The following PCDH15 variants were observed in gnomAD, a reference collection of about 807,000 sequenced individuals.
PCDH15 encodes protocadherin related 15.
In PCDH15, 129 loss-of-function variants were observed where a neutral mutation model predicts 178.5. The ratio of observed to expected loss-of-function variants is 0.72; its 90% CI spans 0.63 to 0.84. The LOEUF is 0.84. PCDH15 is among the 40% of genes least tolerant of loss of function. The pLI, the probability that PCDH15 is intolerant of heterozygous loss-of-function variation, is 0.00. For missense variants in PCDH15, 2,230 were observed against 2,099.9 expected (o/e 1.06, Z -1.21); for synonymous variants, 800 against 732.0 (o/e 1.09, Z -1.50).
In PCDH15 at chr10:54,358,014, C is replaced by T. The variant is rs529742749; in HGVS notation, c.474+11106G>A. 1.3e-3 allele frequency among the ~76,000 whole-genome samples: 198 copies of T among 151,398 alleles called. 1 individual carries two copies. Among genetic ancestry groups the T allele is most frequent in the African/African-American group, 2.6e-3 (105 of 40,844 alleles). ...CTTACACCTTATACAAAAATTAATT[C>T]AAGATGGATTAAAGACTTAAACATT... On this transcript the variant is annotated intron_variant, in intron 5 of 37. Transcript: ENST00000644397.
At chr10:53,858,120 A>G (rs116882369) in intron 27 of PCDH15, among the ~76,000 whole-genome samples, 4,148 of 152,274 alleles carry the variant, frequency 0.027, 72 homozygotes, top group Non-Finnish European at 0.04. Context: ...ACTGATATAA[A>G]AATTCTAAAA....
chr10:53,882,343 G>C (rs983017716), intron 26 of PCDH15, among the ~76,000 whole-genome samples: 1 of 152,152 alleles, frequency 6.6e-6, no homozygotes, highest in East Asian at 1.9e-4. Context: ...CGGGGCCTTT[G>C]CAGCTTCCAC....
chr10:54,247,049 TTAA>T (rs1274309322), intron 8 of PCDH15, among the ~76,000 whole-genome samples: 1 of 151,980 alleles, frequency 6.6e-6, no homozygotes, highest in Non-Finnish European at 1.5e-5. Context: ...ATTTATCAGC[TTAA>T]TGTTTTATAA....
At chr10:55,236,476 C>G (rs1013753923) in intron 1 of PCDH15, among the ~76,000 whole-genome samples, 2 of 152,038 alleles carry the variant, frequency 1.3e-5, no homozygotes, top group African/African-American at 4.8e-5. Context: ...AGGTGAGCAA[C>G]AGGAAGTGTG....
intron 9 of PCDH15, among the ~76,000 whole-genome samples, chr10:54,231,908 T>C (rs1011962147): frequency 2.6e-5 from 4 of 151,924 alleles, no homozygotes; most frequent in African/African-American, 9.7e-5. Flanking sequence ...TTGTAAGTTT[T>C]TTCAGGCTCA....
At chr10:55,527,173 A>G (rs929291176) in intron 2 of PCDH15, among the ~76,000 whole-genome samples, 2 of 152,104 alleles carry the variant, frequency 1.3e-5, no homozygotes, top group African/African-American at 4.8e-5. Flanking sequence ...GTGCATGTGT[A>G]TATTCGTTTC....
intron 2 of PCDH15, among the ~76,000 whole-genome samples, chr10:55,556,583 C>T (rs1842095114): frequency 6.6e-6 from 1 of 152,042 alleles, no homozygotes; most frequent in Admixed American, 6.6e-5. Context: ...GTAATCCCAG[C>T]ATTTTGGGAA....
intron 2 of PCDH15, among the ~76,000 whole-genome samples, chr10:55,157,268 C>T (rs914235651): frequency 2.6e-5 from 4 of 151,540 alleles, no homozygotes; most frequent in Non-Finnish European, 5.9e-5. Flanking sequence ...CCATCTCACA[C>T]CAGTTAGAAT....
At chr10:55,229,041 T>C (rs1057391841) in intron 1 of PCDH15, among the ~76,000 whole-genome samples, 1 of 151,940 alleles carries the variant, frequency 6.6e-6, no homozygotes. Context: ...TCCTCAAGTA[T>C]AGGAGTATCT....
intron 2 of PCDH15, among the ~76,000 whole-genome samples, chr10:55,344,683 T>C (rs1269878034): frequency 1.3e-5 from 2 of 151,964 alleles, no homozygotes; most frequent in African/African-American, 2.4e-5. Flanking sequence ...TCAGATTATG[T>C]TTGAGATATT....
At chr10:54,489,069 G>C (rs1589676294) in intron 3 of PCDH15, among the ~76,000 whole-genome samples, 1 of 151,992 alleles carries the variant, frequency 6.6e-6, no homozygotes, top group East Asian at 1.9e-4. Flanking sequence ...TGGCTCACCA[G>C]AGTTGTTTCC....
chr10:53,964,552 G>T (rs1038247534), intron 21 of PCDH15, among the ~76,000 whole-genome samples: 1 of 138,736 alleles, frequency 7.2e-6, no homozygotes, highest in African/African-American at 2.7e-5. Flanking sequence ...TAAGTGAATG[G>T]ATAACCACAC....
At chr10:54,120,601 G>A (rs1174442246) in intron 15 of PCDH15, among the ~76,000 whole-genome samples, 2 of 152,094 alleles carry the variant, frequency 1.3e-5, no homozygotes, top group East Asian at 3.9e-4. Context: ...GATCTACTAT[G>A]CAAACAGAAA....
intron 3 of PCDH15, among the ~76,000 whole-genome samples, chr10:54,878,098 G>A (rs1437709936): frequency 6.6e-6 from 1 of 151,732 alleles, no homozygotes; most frequent in East Asian, 1.9e-4. Context: ...TCGTAGCTGG[G>A]ATTACAGGCA....
intron 2 of PCDH15, among the ~76,000 whole-genome samples, chr10:55,426,668 G>A (rs574686054): frequency 6.6e-6 from 1 of 152,196 alleles, no homozygotes; most frequent in African/African-American, 2.4e-5. Context: ...ACAGTCTTTC[G>A]CTTGGTGGTA....
At chr10:54,982,950 AC>A (rs1839276817) in intron 2 of PCDH15, among the ~76,000 whole-genome samples, 1 of 152,086 alleles carries the variant, frequency 6.6e-6, no homozygotes, top group Non-Finnish European at 1.5e-5. Flanking sequence ...AGAGACTCCA[AC>A]AGCTTGAGTA....
chr10:54,969,666 A>T (rs1339616100), intron 2 of PCDH15, among the ~76,000 whole-genome samples: 1 of 152,050 alleles, frequency 6.6e-6, no homozygotes, highest in Admixed American at 6.6e-5. Context: ...TGCCTCCTAA[A>T]CTCAGAGATA....
At chr10:54,051,498 A>G (rs887635310) in intron 18 of PCDH15, among the ~76,000 whole-genome samples, 5 of 152,180 alleles carry the variant, frequency 3.3e-5, no homozygotes, top group Non-Finnish European at 7.3e-5. Flanking sequence ...TGCTATGCAA[A>G]GAGACTAGAA....
At chr10:54,740,527 T>C (rs1013529368) in intron 1 of PCDH15, among the ~76,000 whole-genome samples, 1 of 151,882 alleles carries the variant, frequency 6.6e-6, no homozygotes. Context: ...TTCCTTGGTG[T>C]ATGTCCAAAA....
Sources: allele counts gnomAD v4.1 joint callset (sites outside exome capture counted in the v4.1 genomes callset), GRCh38; gene constraint gnomAD v4.1.1; transcripts MANE v1.5; gene names NCBI Gene and HGNC (gene_info 2026-07-23, HGNC 2026-07-21).